FCHSD2: variants seen among roughly 807,000 people sequenced by gnomAD.
FCHSD2 encodes the protein FCH and double SH3 domains 2, also known as F-BAR and double SH3 domains protein 2.
A neutral mutation model predicts 108.1 loss-of-function variants in FCHSD2; 38 were observed. The observed-to-expected ratio is 0.35, with a 90% CI of 0.27 to 0.46. The LOEUF (loss-of-function observed/expected upper bound fraction) is 0.46. Ranked by LOEUF, FCHSD2 falls within the 20% of genes least tolerant of loss-of-function variation. The probability of loss-of-function intolerance (pLI) is 1.00; values close to 1 mark genes in which losing one functional copy is unlikely to be tolerated. For missense variants in FCHSD2, 751 were observed against 897.8 expected, an observed-to-expected ratio of 0.84 and a Z score of 2.09; for synonymous variants, 279 against 314.7, an observed-to-expected ratio of 0.89 and a Z score of 1.20.
In FCHSD2 at chr11:72,890,274, T is replaced by C. The variant is rs185375011; in HGVS notation, c.925-329A>G. Reference sequence around the variant, plus strand: ...GCTAAGGTAAGCAAAGAAGAAAATGTATTCATGCCAACCTACTATGGTGAT... The same window carrying C: ...GCTAAGGTAAGCAAAGAAGAAAATGCATTCATGCCAACCTACTATGGTGAT... On this transcript the variant is annotated intron_variant, in intron 10 of 19. Transcript: ENST00000409418. Among the ~76,000 whole-genome samples the C allele has an allele frequency of 4.5e-3, 690 of 152,356 alleles. 3 individuals carry two copies. The highest frequency in any genetic ancestry group is 0.02 in the Middle Eastern group (6 of 294).
chr11:72,842,028 G>A (rs1327736466), intron 17 of FCHSD2, among the ~76,000 whole-genome samples: 2 of 152,176 alleles, frequency 1.3e-5, no homozygotes, highest in Non-Finnish European at 2.9e-5. Context: ...AACAAGATCG[G>A]CAAACACGTT....
intron 8 of FCHSD2, among the ~76,000 whole-genome samples, chr11:72,932,378 G>C (rs1025385971): frequency 2.6e-5 from 4 of 152,034 alleles, no homozygotes; most frequent in Non-Finnish European, 4.4e-5. Context: ...CTGTTCACTG[G>C]CTACTCATCA....
At chr11:72,938,388 G>T (rs1856346818) in intron 8 of FCHSD2, among the ~76,000 whole-genome samples, 1 of 152,170 alleles carries the variant, frequency 6.6e-6, no homozygotes, top group South Asian at 2.1e-4. Flanking sequence ...ACCTGGCATA[G>T]CTGGAAGAAC....
chr11:72,878,914 C>T (rs1484987568), intron 12 of FCHSD2, among the ~76,000 whole-genome samples: 1 of 152,000 alleles, frequency 6.6e-6, no homozygotes, highest in Non-Finnish European at 1.5e-5. Flanking sequence ...CGAGACCAGC[C>T]TGGCCAACAT....
intron 3 of FCHSD2, among the ~76,000 whole-genome samples, chr11:73,082,464 G>T (rs1859719019): frequency 6.7e-6 from 1 of 150,360 alleles, no homozygotes; most frequent in Non-Finnish European, 1.5e-5. Context: ...TTGAACCAAT[G>T]AATTAATTAG....
At chr11:73,131,704 A>C (rs953244107) in intron 2 of FCHSD2, among the ~76,000 whole-genome samples, 165 of 142,810 alleles carry the variant, frequency 1.2e-3, no homozygotes, top group African/African-American at 4.2e-3. Flanking sequence ...ACTATGTCTC[A>C]AAAAAAAAAA....
chr11:73,032,232 GTTTT>G (rs897716297), intron 3 of FCHSD2, among the ~76,000 whole-genome samples: 10 of 152,028 alleles, frequency 6.6e-5, no homozygotes, highest in Non-Finnish European at 1.5e-4. Flanking sequence ...ATTGTTCAAT[GTTTT>G]TTTATTTTAA....
intron 2 of FCHSD2, among the ~76,000 whole-genome samples, chr11:73,097,190 G>C (rs922810306): frequency 2.0e-5 from 3 of 150,828 alleles, no homozygotes; most frequent in African/African-American, 7.3e-5. Context: ...TTTTCGTAGA[G>C]ATGGGGTTTC....
At chr11:73,127,624 T>A (rs1860889444) in intron 2 of FCHSD2, among the ~76,000 whole-genome samples, 1 of 152,152 alleles carries the variant, frequency 6.6e-6, no homozygotes, top group South Asian at 2.1e-4. Flanking sequence ...AACCATCAAC[T>A]TACAGGCCTC....
intron 8 of FCHSD2, among the ~76,000 whole-genome samples, chr11:72,980,375 A>C (rs753901956): frequency 2.0e-5 from 3 of 152,184 alleles, no homozygotes; most frequent in Non-Finnish European, 4.4e-5. Context: ...TTGGCTGCTT[A>C]GATACAGATT....
At chr11:72,853,288 C>T (rs1861340956) in intron 13 of FCHSD2, among the ~76,000 whole-genome samples, 1 of 151,982 alleles carries the variant, frequency 6.6e-6, no homozygotes, top group African/African-American at 2.4e-5. Flanking sequence ...AATTGGATAC[C>T]CATATGCAAA....
At chr11:73,032,215 C>T (rs542123212) in intron 3 of FCHSD2, among the ~76,000 whole-genome samples, 2 of 151,986 alleles carry the variant, frequency 1.3e-5, no homozygotes, top group African/African-American at 4.8e-5. Flanking sequence ...ATTCTTTATA[C>T]CACTGGATTG....
intron 2 of FCHSD2, among the ~76,000 whole-genome samples, chr11:73,102,953 T>C (rs1860258304): frequency 1.3e-5 from 2 of 152,192 alleles, no homozygotes; most frequent in Admixed American, 1.3e-4. Context: ...CATGGATGAA[T>C]CTCAAAAACA....
chr11:73,088,475 T>TTG (rs773360270), intron 2 of FCHSD2, among the ~76,000 whole-genome samples: 1 of 152,108 alleles, frequency 6.6e-6, no homozygotes, highest in East Asian at 1.9e-4. Flanking sequence ...GTGTGTGCGT[T>TTG]TGTGTGTGTG....
intron 3 of FCHSD2, among the ~76,000 whole-genome samples, chr11:73,081,422 A>G (rs1335436042): frequency 2.6e-5 from 4 of 152,226 alleles, no homozygotes; most frequent in Non-Finnish European, 5.9e-5. Flanking sequence ...TGACAGAGTG[A>G]GACTCCATCT....
At chr11:73,001,287 C>G (rs1412133613) in intron 4 of FCHSD2, among the ~76,000 whole-genome samples, 153 bp from the exon 5 acceptor site, 2 of 152,150 alleles carry the variant, frequency 1.3e-5, no homozygotes, top group African/African-American at 4.8e-5. Context: ...GCACACATAA[C>G]AAGCAACATG....
chr11:72,840,943 A>C lies in FCHSD2; in HGVS notation c.2073T>G (p.Ala691=). Residue 691 remains alanine (A), a synonymous_variant, in exon 19 of 20, where the codon GCT becomes GCG. Transcript: ENST00000409418. ...ATGCCTGTGAGAATCCTGGTGACTC[A>C]GCATGAAGGCTTTTTTCTAAGGGAG... The part of the protein sequence containing the change: ...SPSANEKSLH[A]ESPGFSQASR... 1 of 1,613,008 alleles carries C rather than the reference A, an allele frequency of 6.2e-7. No homozygotes were observed. Among genetic ancestry groups the C allele is most frequent in the East Asian group, 2.2e-5 (1 of 44,862 alleles).
chr11:73,059,889 T>C (rs1046352156), intron 3 of FCHSD2, among the ~76,000 whole-genome samples: 2 of 152,194 alleles, frequency 1.3e-5, no homozygotes, highest in Non-Finnish European at 2.9e-5. Flanking sequence ...AAATTAACCA[T>C]TTGTTGTACC....
chr11:73,032,488 GGT>G (rs1292433710), intron 3 of FCHSD2, among the ~76,000 whole-genome samples: 1 of 151,914 alleles, frequency 6.6e-6, no homozygotes, highest in Admixed American at 6.6e-5. Flanking sequence ...GGCATCCCAA[GGT>G]GCTAGGATTA....
Sources: allele counts gnomAD v4.1 joint callset (sites outside exome capture counted in the v4.1 genomes callset), GRCh38; gene constraint gnomAD v4.1.1; transcripts MANE v1.5; gene names NCBI Gene and HGNC (gene_info 2026-07-23, HGNC 2026-07-21).